Variants in SMAP1 observed in about 807,000 individuals in gnomAD.
SMAP1 encodes the protein stromal membrane-associated protein 1.
A neutral mutation model predicts 58.5 loss-of-function variants in SMAP1; 24 were observed. The observed-to-expected ratio is 0.41, with a 90% confidence interval of 0.30 to 0.58. The LOEUF (loss-of-function observed/expected upper bound fraction) is 0.58. Ranked by LOEUF, SMAP1 falls within the 20% of genes least tolerant of loss-of-function variation. The probability of loss-of-function intolerance (pLI) is 0.29; values close to 1 mark genes in which losing one functional copy is unlikely to be tolerated. For missense variants in SMAP1, 563 were observed against 566.3 expected (o/e 0.99, Z 0.06); for synonymous variants, 216 against 196.6 (o/e 1.10, Z -0.82).
At chr6:70,816,016 A>G (rs1379024183) in intron 6 of SMAP1, among the ~76,000 whole-genome samples, 1 of 152,154 alleles carries the variant, frequency 6.6e-6, no homozygotes, top group Non-Finnish European at 1.5e-5. Context: ...TATGATAAAT[A>G]ACTCTAGCAA....
intron 6 of SMAP1, among the ~76,000 whole-genome samples, chr6:70,805,792 G>T (rs1769099118): frequency 6.6e-6 from 1 of 152,304 alleles, no homozygotes; most frequent in South Asian, 2.1e-4. Flanking sequence ...GTTTGCTGGA[G>T]GTCTACTGTG....
intron 4 of SMAP1, among the ~76,000 whole-genome samples, chr6:70,785,040 C>T (rs1255029697): frequency 2.0e-5 from 3 of 151,988 alleles, no homozygotes; most frequent in African/African-American, 7.3e-5. Flanking sequence ...CCAAATTGAC[C>T]ACATAGTTGG....
chr6:70,749,975 G>A (rs1766208989), intron 2 of SMAP1, among the ~76,000 whole-genome samples: 1 of 152,162 alleles, frequency 6.6e-6, no homozygotes, highest in Admixed American at 6.5e-5. Context: ...CAAAATATTT[G>A]ACAAGTCTTC....
intron 1 of SMAP1, among the ~76,000 whole-genome samples, chr6:70,692,529 T>G (rs1468556187): frequency 2.0e-5 from 3 of 152,222 alleles, no homozygotes; most frequent in Non-Finnish European, 4.4e-5. Context: ...CCCCAATGTT[T>G]TAGTAGTTTC....
At chr6:70,793,800 C>T (rs1017716052) in intron 5 of SMAP1, among the ~76,000 whole-genome samples, 5 of 152,028 alleles carry the variant, frequency 3.3e-5, no homozygotes, top group Non-Finnish European at 5.9e-5. Context: ...CGGCTTATTG[C>T]AACCTCCCAC....
chr6:70,694,498 T>A (rs1767316877), intron 1 of SMAP1: 2 of 153,098 alleles, frequency 1.3e-5, no homozygotes. Flanking sequence ...CAGGACTATT[T>A]GAAACCTAGA....
intron 1 of SMAP1, among the ~76,000 whole-genome samples, chr6:70,677,886 C>T (rs1766550629): frequency 6.6e-6 from 1 of 152,110 alleles, no homozygotes. Context: ...CACTGTAATG[C>T]TTTCTTACTA....
At chr6:70,669,536 C>T (rs961306407) in intron 1 of SMAP1, among the ~76,000 whole-genome samples, 1 of 152,064 alleles carries the variant, frequency 6.6e-6, no homozygotes, top group East Asian at 1.9e-4. Flanking sequence ...TTACAAAGTC[C>T]GTGCCTGGTT....
intron 2 of SMAP1, among the ~76,000 whole-genome samples, chr6:70,748,716 A>T (rs1015535754): frequency 2.6e-5 from 4 of 152,058 alleles, no homozygotes; most frequent in Non-Finnish European, 4.4e-5. Flanking sequence ...TATTTTATTT[A>T]GTTGTTGGGA....
At chr6:70,702,309 A>G (rs185724491) in intron 1 of SMAP1, among the ~76,000 whole-genome samples, 29 of 150,338 alleles carry the variant, frequency 1.9e-4, no homozygotes, top group Admixed American at 1.1e-3. Context: ...CTGTCACTCC[A>G]CCTCTTAATT....
At chr6:70,764,508 T>TA (rs1766880030) in intron 3 of SMAP1, among the ~76,000 whole-genome samples, 1 of 152,208 alleles carries the variant, frequency 6.6e-6, no homozygotes, top group Admixed American at 6.5e-5. Context: ...ATTTTGAAAA[T>TA]CCTACGGCCC....
At chr6:70,848,201 T>C (rs992209460) in intron 7 of SMAP1, among the ~76,000 whole-genome samples, 1 of 152,174 alleles carries the variant, frequency 6.6e-6, no homozygotes, top group Non-Finnish European at 1.5e-5. Context: ...AAGGCCTGAT[T>C]ATATCCCACA....
rs146237505 is a variant in SMAP1, at chr6:70,780,690, A to G, written c.414+7265A>G. On this transcript the variant is annotated intron_variant, in intron 4 of 10. Transcript: ENST00000370455. ...ATTTTAAGTGAGTTTAAGAGATACA[A>G]GAGGACTTAGGTAGATGAGGCTGAA... 1.1e-3 allele frequency among the ~76,000 whole-genome samples: 164 copies of G among 152,354 alleles called. 4 individuals carry two copies. In the East Asian group the frequency reaches 0.027, roughly 25 times the overall value.
intron 7 of SMAP1, among the ~76,000 whole-genome samples, chr6:70,846,202 T>A (rs1183588057): frequency 6.6e-6 from 1 of 152,008 alleles, no homozygotes; most frequent in Non-Finnish European, 1.5e-5. Flanking sequence ...TATTTCACTT[T>A]TCTCCCACAA....
At chr6:70,812,002 T>C (rs1361666284) in intron 6 of SMAP1, among the ~76,000 whole-genome samples, 1 of 152,208 alleles carries the variant, frequency 6.6e-6, no homozygotes, top group Non-Finnish European at 1.5e-5. Context: ...AAGGGATGAT[T>C]CACATCGCTG....
At chr6:70,856,614 G>A in intron 8 of SMAP1, 1 of 311,014 alleles carries the variant, frequency 3.2e-6, no homozygotes, top group East Asian at 5.1e-5. Flanking sequence ...GGTAGTAAAT[G>A]CAACTTACTG....
intron 1 of SMAP1, among the ~76,000 whole-genome samples, chr6:70,728,546 G>A (rs182624446): frequency 1.7e-4 from 26 of 152,242 alleles, no homozygotes; most frequent in Admixed American, 9.2e-4. Flanking sequence ...TTATACAGTC[G>A]ATTCCCTTAC....
chr6:70,830,828 CAA>C (rs1377592838), intron 6 of SMAP1, among the ~76,000 whole-genome samples: 2 of 152,138 alleles, frequency 1.3e-5, no homozygotes, highest in Non-Finnish European at 2.9e-5. Context: ...TAAAGAAAGA[CAA>C]AGAGAATCAA....
chr6:70,768,432 G>A (rs1249795219), intron 3 of SMAP1, among the ~76,000 whole-genome samples: 1 of 152,214 alleles, frequency 6.6e-6, no homozygotes, highest in African/African-American at 2.4e-5. Flanking sequence ...TTCAGCTCCT[G>A]TTATTGGTCT....
Sources: allele counts gnomAD v4.1 joint callset (sites outside exome capture counted in the v4.1 genomes callset), GRCh38; gene constraint gnomAD v4.1.1; transcripts MANE v1.5; gene names NCBI Gene and HGNC (gene_info 2026-07-23, HGNC 2026-07-21).